FAM174A: variants seen among roughly 807,000 people sequenced by gnomAD.
FAM174A encodes family with sequence similarity 174 member A, also known as membrane protein FAM174A.
In FAM174A, 14 loss-of-function variants were observed where a neutral mutation model predicts 14.3. The ratio of observed to expected loss-of-function variants is 0.98; its 90% CI spans 0.65 to 1.53. FAM174A has a LOEUF of 1.53. Ranked by LOEUF, FAM174A falls within the 40% of genes most tolerant of loss-of-function variation. The probability of loss-of-function intolerance (pLI) is 0.00; values close to 1 mark genes in which losing one functional copy is unlikely to be tolerated. For missense variants in FAM174A, 241 were observed against 249.6 expected, an observed-to-expected ratio of 0.97 and a Z score of 0.23; for synonymous variants, 108 against 111.4, an observed-to-expected ratio of 0.97 and a Z score of 0.19.
At chr5:100,572,282 G>C (rs1746801024) in intron 2 of FAM174A, among the ~76,000 whole-genome samples, 1 of 140,372 alleles carries the variant, frequency 7.1e-6, no homozygotes, top group Non-Finnish European at 1.5e-5. Flanking sequence ...TTAAGTTTTA[G>C]GGTACATGTG....
chr5:100,571,615 C>A (rs1370376593), intron 2 of FAM174A, among the ~76,000 whole-genome samples: 1 of 144,050 alleles, frequency 6.9e-6, no homozygotes, highest in South Asian at 2.2e-4. Context: ...TTCTATATTC[C>A]AGTATATAAA....
chr5:100,560,641 G>T (rs375402725), intron 1 of FAM174A, among the ~76,000 whole-genome samples: 8 of 152,110 alleles, frequency 5.3e-5, no homozygotes, highest in South Asian at 2.1e-4. Flanking sequence ...TCAATTATTT[G>T]TTGAAGGTAT....
chr5:100,566,141 G>GATAGATATATATATATATATATATAT (rs558236562), intron 2 of FAM174A, among the ~76,000 whole-genome samples: 4 of 81,810 alleles, frequency 4.9e-5, no homozygotes, highest in Admixed American at 1.7e-4. Context: ...TGAAAAGTAT[G>GATAGATATATATATATATATATATAT]ATATATATAT....
At chr5:100,574,992 A>G (rs1746871965) in intron 2 of FAM174A, among the ~76,000 whole-genome samples, 1 of 152,178 alleles carries the variant, frequency 6.6e-6, no homozygotes, top group African/African-American at 2.4e-5. Flanking sequence ...TTTGAAAGAT[A>G]AGAAAACTGA....
At chr5:100,542,146 T>C (rs1438762822) in intron 1 of FAM174A, among the ~76,000 whole-genome samples, 2 of 152,236 alleles carry the variant, frequency 1.3e-5, no homozygotes, top group Non-Finnish European at 2.9e-5. Context: ...CTGCTTTCAC[T>C]GTCCATGTTC....
At chr5:100,552,268 G>A (rs1189019892) in intron 1 of FAM174A, among the ~76,000 whole-genome samples, 1 of 151,810 alleles carries the variant, frequency 6.6e-6, no homozygotes, top group Non-Finnish European at 1.5e-5. Context: ...TTTATTCTTG[G>A]TCACTAGTTT....
chr5:100,563,275 G>C (rs192235323), intron 2 of FAM174A, among the ~76,000 whole-genome samples: 1 of 151,598 alleles, frequency 6.6e-6, no homozygotes. Context: ...AATTAAAGAC[G>C]CATATAAGAT....
At chr5:100,538,236 C>T (rs1232401711) in intron 1 of FAM174A, among the ~76,000 whole-genome samples, 1 of 151,952 alleles carries the variant, frequency 6.6e-6, no homozygotes, top group East Asian at 1.9e-4. Flanking sequence ...ATTTTGGCTC[C>T]CATTTTCAAA....
intron 2 of FAM174A, among the ~76,000 whole-genome samples, chr5:100,571,160 AT>A (rs1272267425): frequency 6.6e-6 from 1 of 151,294 alleles, no homozygotes; most frequent in African/African-American, 2.4e-5. Flanking sequence ...GTGTATATAT[AT>A]ATGTGTGTGT....
intron 1 of FAM174A, among the ~76,000 whole-genome samples, chr5:100,559,635 C>T (rs1300032792): frequency 6.6e-6 from 1 of 152,038 alleles, no homozygotes; most frequent in Non-Finnish European, 1.5e-5. Flanking sequence ...TTCTTGGAGG[C>T]TTTGTTCGTT....
chr5:100,586,373 C>CTATTATGTATAGAAGTAT lies in FAM174A; in HGVS notation c.*190_*191insATTATGTATAGAAGTATT. On this transcript the variant is annotated 3_prime_UTR_variant, in exon 3 of 3. Transcript: ENST00000312637. ...TTATATCTTTATATGTATAGAAGTA[C>CTATTATGTATAGAAGTAT]TCTGTTAATGGGCTCAGAGATGTTG... 1 of 365,840 alleles carries CTATTATGTATAGAAGTAT rather than the reference C, an allele frequency of 2.7e-6. No homozygotes were observed. 22.7% of individuals were successfully genotyped at this position (365,840 alleles called of 1,614,324 possible).
chr5:100,574,155 A>C (rs1191696833), intron 2 of FAM174A, among the ~76,000 whole-genome samples: 1 of 151,676 alleles, frequency 6.6e-6, no homozygotes, highest in East Asian at 1.9e-4. Context: ...AGAAGCATAC[A>C]GTTCCGCAGA....
intron 1 of FAM174A, among the ~76,000 whole-genome samples, chr5:100,541,878 C>T (rs982050985): frequency 2.0e-5 from 3 of 152,144 alleles, no homozygotes; most frequent in Admixed American, 6.5e-5. Context: ...CTTACTTTGA[C>T]TTCTGAGACA....
intron 2 of FAM174A, among the ~76,000 whole-genome samples, chr5:100,574,602 A>G (rs778902774): frequency 1.3e-5 from 2 of 152,192 alleles, no homozygotes; most frequent in Admixed American, 1.3e-4. Context: ...TTGTTTAGCA[A>G]TAAAGCTTTT....
intron 1 of FAM174A, among the ~76,000 whole-genome samples, chr5:100,559,876 C>T (rs1746487608): frequency 1.3e-5 from 2 of 151,904 alleles, no homozygotes; most frequent in Admixed American, 6.6e-5. Flanking sequence ...TTTTTAACTT[C>T]TTTGCCATGG....
At chr5:100,566,141 G>GATAT (rs60895683) in intron 2 of FAM174A, among the ~76,000 whole-genome samples, 6,273 of 81,572 alleles carry the variant, frequency 0.077, 403 homozygotes, top group East Asian at 0.14. Context: ...TGAAAAGTAT[G>GATAT]ATATATATAT....
intron 1 of FAM174A, among the ~76,000 whole-genome samples, chr5:100,542,571 A>G (rs1746079122): frequency 6.6e-6 from 1 of 152,136 alleles, no homozygotes; most frequent in Non-Finnish European, 1.5e-5. Context: ...TCTCTCTTTC[A>G]ATTTACCTTC....
Position 100,535,656 on chromosome 5 carries a change from T to C in FAM174A, c.126T>C (p.Gly42=). 2 of 1,612,646 alleles carry C rather than the reference T, an allele frequency of 1.2e-6. No homozygotes were observed. Among genetic ancestry groups the C allele is most frequent in the South Asian group, 2.2e-5 (2 of 91,068 alleles). Residue 42 remains glycine (G), a synonymous_variant, in exon 1 of 3, where the codon GGT becomes GGC. Coordinates refer to ENST00000312637, the MANE Select transcript of FAM174A (RefSeq NM_198507.3). ...TGCAGGCAGCCGAGGCCGCGCCAGG[T>C]CTTGGGCCTCCTGACCCTAGACCAC... ...VLLQAAEAAP[G]LGPPDPRPRT...
chr5:100,571,144 A>ATG (rs1426810399), intron 2 of FAM174A, among the ~76,000 whole-genome samples: 26 of 122,980 alleles, frequency 2.1e-4, no homozygotes, highest in Admixed American at 6.1e-4. Flanking sequence ...ATACATATAT[A>ATG]TGTGTGTGTA....
Sources: allele counts gnomAD v4.1 joint callset (sites outside exome capture counted in the v4.1 genomes callset), GRCh38; gene constraint gnomAD v4.1.1; transcripts MANE v1.5; gene names NCBI Gene and HGNC (gene_info 2026-07-23, HGNC 2026-07-21).